FREM1: variants seen among roughly 807,000 people sequenced by gnomAD.
The protein encoded by FREM1 is FRAS1 related extracellular matrix 1.
In FREM1, 220 loss-of-function variants were observed where a neutral mutation model predicts 210.1. The ratio of observed to expected loss-of-function variants is 1.05; its 90% confidence interval spans 0.94 to 1.17. The LOEUF (loss-of-function observed/expected upper bound fraction) is 1.17, where lower values mean the gene tolerates loss of function less well. Among genes scored for constraint, FREM1 ranks in the 50% most tolerant of loss-of-function variants. The pLI is 0.00. For synonymous variants in FREM1, 1,189 were observed against 980.2 expected (o/e 1.21, Z -3.98); for missense variants, 3,454 against 2,675.5 (o/e 1.29, Z -6.42).
chr9:14,893,169 T>TTCTC (rs58771212), intron 1 of FREM1, among the ~76,000 whole-genome samples: 2 of 150,832 alleles, frequency 1.3e-5, no homozygotes, highest in South Asian at 2.1e-4. Flanking sequence ...ACTTCTCTCT[T>TTCTC]TCTCTCTCTC....
At position 14,784,421 on chromosome 9, in the gene FREM1, G is replaced by A. The variant is rs755480677; in HGVS notation, c.4391C>T (p.Thr1464Ile). The A allele has an allele frequency of 6.2e-7, 1 of 1,613,872 alleles. No homozygotes were observed. The highest frequency in any genetic ancestry group is 1.1e-5 in the South Asian group (1 of 91,054). The stretch of plus-strand genomic sequence containing the variant: ...CTTGCTCTTGTGTACATAGCAAACT[G>A]TCTGCCCCACTACATCCATTTGGCT... Reference protein sequence around the residue: ...NFSQMDVVGQTVCYVHKSKVT... With the variant: ...NFSQMDVVGQIVCYVHKSKVT... Residue 1464 changes from threonine (T) to isoleucine (I), a missense_variant, in exon 24 of 37, where the codon ACA (threonine) becomes ATA (isoleucine). Physicochemically the swap from Thr to Ile is moderately conservative, Grantham distance 89. Coordinates refer to ENST00000380880, the MANE Select transcript of FREM1 (RefSeq NM_001379081.2).
intron 10 of FREM1, among the ~76,000 whole-genome samples, chr9:14,832,044 G>A (rs554865498): frequency 6.6e-6 from 1 of 152,232 alleles, no homozygotes; most frequent in Admixed American, 6.5e-5. Flanking sequence ...GTAACAGATT[G>A]TCTTCAACAT....
chr9:14,828,069 C>T (rs1172798653), intron 10 of FREM1, among the ~76,000 whole-genome samples: 3 of 152,250 alleles, frequency 2.0e-5, no homozygotes, highest in Non-Finnish European at 4.4e-5. Flanking sequence ...ACAGTACCCA[C>T]TAGGGCAATG....
At chr9:14,742,856 CCTA>C (rs1313774157) in intron 35 of FREM1, among the ~76,000 whole-genome samples, 1 of 152,046 alleles carries the variant, frequency 6.6e-6, no homozygotes, top group African/African-American at 2.4e-5. Flanking sequence ...TGTCAGTACA[CCTA>C]TGATGAGAAA....
At chr9:14,854,169 C>T (rs1055216123) in intron 5 of FREM1, among the ~76,000 whole-genome samples, 1 of 151,750 alleles carries the variant, frequency 6.6e-6, no homozygotes, top group Admixed American at 6.6e-5. Context: ...AGAATTAAGT[C>T]CAAATAAAAC....
Position 14,875,111 on chromosome 9 carries a change from C to A in FREM1, c.-267-5867G>T, listed in dbSNP as rs200004666. 5.9e-5 allele frequency among the ~76,000 whole-genome samples: 9 copies of A among 152,296 alleles called. No individual in the cohort carries two copies. The East Asian group carries it at 1.7e-3, about 29-fold the overall frequency. ...TGGCTGCCCTTAACATTTTTTCCTT[C>A]ATGTCAACTTTGGTGAATCTGACAA... On this transcript the variant is annotated intron_variant, in intron 1 of 36. Transcript: ENST00000380880.
intron 23 of FREM1, among the ~76,000 whole-genome samples, chr9:14,787,864 C>T (rs1022878609): frequency 1.3e-5 from 2 of 152,152 alleles, no homozygotes; most frequent in African/African-American, 4.8e-5. Context: ...TGTACAGTAA[C>T]ATCTAGCTTA....
intron 22 of FREM1, among the ~76,000 whole-genome samples, chr9:14,792,299 CACACAG>C (rs1213581086): frequency 2.0e-5 from 3 of 146,704 alleles, no homozygotes; most frequent in Non-Finnish European, 3.0e-5. Flanking sequence ...CACACACACA[CACACAG>C]AGAGAGAGAG....
intron 23 of FREM1, among the ~76,000 whole-genome samples, chr9:14,786,453 A>G (rs1386124390): frequency 2.0e-5 from 3 of 152,214 alleles, no homozygotes; most frequent in Admixed American, 6.5e-5. Flanking sequence ...ATGAAGAAAT[A>G]AGAAATACAA....
chr9:14,850,065 A>AT (rs1167033564), intron 6 of FREM1, among the ~76,000 whole-genome samples: 1 of 152,196 alleles, frequency 6.6e-6, no homozygotes, highest in African/African-American at 2.4e-5. Context: ...AGGGACGATC[A>AT]TTTTCCTTAA....
At chr9:14,783,023 T>G (rs943392390) in intron 24 of FREM1, among the ~76,000 whole-genome samples, 3 of 152,200 alleles carry the variant, frequency 2.0e-5, no homozygotes, top group Admixed American at 2.0e-4. Context: ...CACATTTTAG[T>G]GAATGCCTAG....
chr9:14,808,246 T>G, intron 16 of FREM1, 112 bp from the exon 17 acceptor site: 1 of 637,916 alleles, frequency 1.6e-6, no homozygotes, highest in Non-Finnish European at 2.5e-6. Context: ...AAAGAAGTTA[T>G]GTGGATAAAA....
intron 10 of FREM1, among the ~76,000 whole-genome samples, chr9:14,828,647 G>GGGGGGGCC (rs1489503118): frequency 7.0e-6 from 1 of 143,740 alleles, no homozygotes; most frequent in Non-Finnish European, 1.5e-5. Context: ...GCGGGGCGGG[G>GGGGGGGCC]GAGGTGCCGG....
chr9:14,741,106 T>A (rs1276704454), intron 35 of FREM1, among the ~76,000 whole-genome samples: 3 of 152,134 alleles, frequency 2.0e-5, no homozygotes, highest in African/African-American at 4.8e-5. Flanking sequence ...AATTAAATTT[T>A]AAAAAATAAT....
At chr9:14,838,460 C>T (rs182517081) in intron 10 of FREM1, among the ~76,000 whole-genome samples, 27 of 151,470 alleles carry the variant, frequency 1.8e-4, no homozygotes, top group African/African-American at 4.1e-4. Flanking sequence ...TCACTGATAT[C>T]GGAGTTTTAA....
chr9:14,854,188 T>A (rs1246095204), intron 5 of FREM1, among the ~76,000 whole-genome samples: 1 of 152,130 alleles, frequency 6.6e-6, no homozygotes, highest in African/African-American at 2.4e-5. Context: ...ACATCAACTG[T>A]GATAAGGAAT....
intron 27 of FREM1, among the ~76,000 whole-genome samples, chr9:14,761,155 CT>C (rs1297088743): frequency 6.6e-6 from 1 of 152,060 alleles, no homozygotes; most frequent in Non-Finnish European, 1.5e-5. Flanking sequence ...CCAGGCTTTC[CT>C]GGGGCCATTC....
intron 23 of FREM1, among the ~76,000 whole-genome samples, chr9:14,786,405 C>T (rs571769841): frequency 1.3e-5 from 2 of 152,230 alleles, no homozygotes; most frequent in South Asian, 2.1e-4. Context: ...CTTAAAAACA[C>T]AGTGGCCAAA....
chr9:14,793,276 C>T (rs984275873), intron 21 of FREM1, among the ~76,000 whole-genome samples: 6 of 152,216 alleles, frequency 3.9e-5, no homozygotes, highest in Non-Finnish European at 8.8e-5. Context: ...CAGACAGAAA[C>T]TCAATTAAAG....
Sources: allele counts gnomAD v4.1 joint callset (sites outside exome capture counted in the v4.1 genomes callset), GRCh38; gene constraint gnomAD v4.1.1; transcripts MANE v1.5; gene names NCBI Gene and HGNC (gene_info 2026-07-23, HGNC 2026-07-21).